ANO2: variants seen among roughly 807,000 people sequenced by gnomAD.
ANO2 encodes the protein anoctamin-2.
ANO2 carries 101 observed loss-of-function variants against 124.2 expected under a neutral mutation model. The ratio of observed to expected loss-of-function variants is 0.81; its 90% CI spans 0.69 to 0.96. The LOEUF is 0.96. Ranked by LOEUF, ANO2 falls within the 40% of genes least tolerant of loss-of-function variation. The probability of loss-of-function intolerance (pLI) is 0.00; values close to 1 mark genes in which losing one functional copy is unlikely to be tolerated. For synonymous variants in ANO2, 486 were observed against 482.5 expected, an observed-to-expected ratio of 1.01 and a Z score of -0.09; for missense variants, 1,293 against 1,274.5, an observed-to-expected ratio of 1.01 and a Z score of -0.22.
chr12:5,808,270 T>C (rs1395600906), intron 7 of ANO2, among the ~76,000 whole-genome samples: 2 of 152,208 alleles, frequency 1.3e-5, no homozygotes, highest in African/African-American at 4.8e-5. Flanking sequence ...ACTAAACAAA[T>C]GTGAAATGAA....
intron 14 of ANO2, among the ~76,000 whole-genome samples, chr12:5,649,149 A>G (rs1307087124): frequency 1.3e-5 from 2 of 152,156 alleles, no homozygotes; most frequent in African/African-American, 2.4e-5. Context: ...ATCCCTGGTC[A>G]GTTTGGGAGT....
intron 15 of ANO2, among the ~76,000 whole-genome samples, chr12:5,638,237 CT>C (rs35224024): frequency 0.011 from 1,421 of 124,834 alleles, 99 homozygotes; most frequent in South Asian, 0.044. Flanking sequence ...GTTTCTTTTC[CT>C]TTTTTTTTTT....
intron 14 of ANO2, among the ~76,000 whole-genome samples, chr12:5,712,418 C>T (rs946764709): frequency 6.6e-6 from 1 of 152,120 alleles, no homozygotes; most frequent in Non-Finnish European, 1.5e-5. Context: ...GAGACAGATA[C>T]AGGAGAGAGC....
At chr12:5,750,700 T>G in intron 11 of ANO2, 136 bp downstream of exon 11, 1 of 933,310 alleles carries the variant, frequency 1.1e-6, no homozygotes, top group South Asian at 1.8e-5. Context: ...GGAGGAAAGC[T>G]ACATGTGTCA....
rs201048271 is a variant in ANO2, at chr12:5,598,904, C to T, written c.2233+580G>A. On this transcript the variant is annotated intron_variant, in intron 20 of 24. Transcript: ENST00000682330. ...ATGTGCTCCTGCCTTCAAGCCTTAT[C>T]GAAAACAACTAGAGGCTCTGCAACT... Among the ~76,000 whole-genome samples the T allele has an allele frequency of 2.0e-4, 31 of 152,256 alleles. No individual in the cohort carries two copies. The East Asian group carries it at 5.0e-3, about 25-fold the overall frequency.
rs114096242 is a variant in ANO2, at chr12:5,863,571, T to C, written c.535-9430A>G. On this transcript the variant is annotated intron_variant, in intron 3 of 24. Coordinates refer to ENST00000682330, the MANE Select transcript of ANO2 (RefSeq NM_001364791.2). The stretch of plus-strand genomic sequence containing the variant: ...ACTTGGAGGAGAGAAGGATAGACTT[T>C]ACAAAAGGACCTGTGGAAATGTTTG... Among the ~76,000 whole-genome samples the C allele has an allele frequency of 2.8e-3, 425 of 152,326 alleles. 4 individuals carry two copies. The highest frequency in any genetic ancestry group is 9.8e-3 in the African/African-American group (409 of 41,562).
In ANO2 at chr12:5,904,095, C is replaced by G. The variant is rs1487759482; in HGVS notation, c.534+16945G>C. 1.3e-5 allele frequency among the ~76,000 whole-genome samples: 2 copies of G among 152,192 alleles called. No individual in the cohort carries two copies. Among genetic ancestry groups the G allele is most frequent in the Non-Finnish European group, 2.9e-5 (2 of 68,030 alleles). Reference sequence around the variant, plus strand: ...CCCACCACATGATCATCCCCTCTTTCTTCATCCCAGAGCAATGCAGGCCTC... The same window carrying G: ...CCCACCACATGATCATCCCCTCTTTGTTCATCCCAGAGCAATGCAGGCCTC... On this transcript the variant is annotated intron_variant, in intron 3 of 24. Transcript: ENST00000682330. The surrounding 1 kb of genome is among the most constrained non-coding windows in gnomAD (Gnocchi z 4.1).
intron 21 of ANO2, 108 bp from the exon 22 acceptor site, chr12:5,578,115 C>T: frequency 1.4e-6 from 2 of 1,389,318 alleles, no homozygotes; most frequent in South Asian, 1.3e-5. Context: ...AGCAGCTTTG[C>T]TGGGCCCCCC....
intron 4 of ANO2, among the ~76,000 whole-genome samples, chr12:5,833,324 CT>C (rs956328719): frequency 1.5e-4 from 23 of 152,246 alleles, no homozygotes; most frequent in African/African-American, 5.3e-4. Context: ...AGCTTTGGAT[CT>C]TTATAACCTG....
intron 10 of ANO2, among the ~76,000 whole-genome samples, chr12:5,770,003 T>C (rs1009763655): frequency 1.4e-4 from 21 of 152,128 alleles, no homozygotes; most frequent in African/African-American, 5.1e-4. Context: ...CTGTCTACAT[T>C]TAATAGATGA....
intron 20 of ANO2, among the ~76,000 whole-genome samples, chr12:5,591,600 G>A (rs916010299): frequency 2.6e-5 from 4 of 152,182 alleles, no homozygotes; most frequent in Admixed American, 2.0e-4. Context: ...AGGATTGAGA[G>A]AAGGGTGGGA....
chr12:5,652,788 G>A (rs1337196504), intron 14 of ANO2, among the ~76,000 whole-genome samples: 1 of 152,064 alleles, frequency 6.6e-6, no homozygotes, highest in African/African-American at 2.4e-5. Flanking sequence ...GAATATGACT[G>A]ATCACTGATG....
At chr12:5,700,085 C>G (rs1315314450) in intron 14 of ANO2, among the ~76,000 whole-genome samples, 2 of 152,126 alleles carry the variant, frequency 1.3e-5, no homozygotes, top group Non-Finnish European at 2.9e-5. Context: ...CTGCACCAAG[C>G]GGACCTAATA....
At chr12:5,743,027 A>G (rs2137081051) in intron 12 of ANO2, among the ~76,000 whole-genome samples, 1 of 151,730 alleles carries the variant, frequency 6.6e-6, no homozygotes, top group South Asian at 2.1e-4. Context: ...TGCCCTGGAA[A>G]TTTTTATTGG....
chr12:5,883,098 C>T (rs1938616699), intron 3 of ANO2, among the ~76,000 whole-genome samples: 1 of 152,102 alleles, frequency 6.6e-6, no homozygotes, highest in Non-Finnish European at 1.5e-5. Context: ...ACCCCCAGCA[C>T]CATTAACACA....
At chr12:5,861,724 GGAGGA>G (rs1236362974) in intron 3 of ANO2, among the ~76,000 whole-genome samples, 3 of 152,150 alleles carry the variant, frequency 2.0e-5, no homozygotes, top group African/African-American at 7.2e-5. Context: ...TGTCGATGAT[GGAGGA>G]GCAGAGAGGA....
intron 3 of ANO2, among the ~76,000 whole-genome samples, chr12:5,877,870 C>T (rs759203724): frequency 3.3e-5 from 5 of 152,220 alleles, no homozygotes; most frequent in Admixed American, 6.5e-5. Flanking sequence ...CGAATGCCGC[C>T]GCTGATCTGA....
chr12:5,671,763 C>T (rs1233172466), intron 14 of ANO2, among the ~76,000 whole-genome samples: 1 of 152,286 alleles, frequency 6.6e-6, no homozygotes, highest in Non-Finnish European at 1.5e-5. Context: ...ATATACTCAG[C>T]CATTTTCTTT....
intron 13 of ANO2, among the ~76,000 whole-genome samples, chr12:5,737,251 G>A (rs565890258): frequency 3.3e-5 from 5 of 152,300 alleles, no homozygotes; most frequent in Admixed American, 6.5e-5. Flanking sequence ...GATCCCATCC[G>A]GAAAGTCTCC....
Sources: allele counts gnomAD v4.1 joint callset (sites outside exome capture counted in the v4.1 genomes callset), GRCh38; gene constraint gnomAD v4.1.1; non-coding constraint Gnocchi (gnomAD v3.1); transcripts MANE v1.5; gene names NCBI Gene and HGNC (gene_info 2026-07-23, HGNC 2026-07-21).